The following FGF13 variants were observed in gnomAD, a reference collection of about 807,000 sequenced individuals.
FGF13 encodes fibroblast growth factor homologous factor 2.
In FGF13, 2 loss-of-function variants were observed where a neutral mutation model predicts 19.5. The observed-to-expected ratio is 0.10, with a 90% CI of 0.04 to 0.32. FGF13 has a LOEUF of 0.32. FGF13 is among the 10% of genes least tolerant of loss of function. FGF13 has a pLI of 1.00. For synonymous variants in FGF13, 72 were observed against 76.9 expected, an observed-to-expected ratio of 0.94 and a Z score of 0.33; for missense variants, 113 against 192.7, an observed-to-expected ratio of 0.59 and a Z score of 2.45.
intron 1 of FGF13, among the ~76,000 whole-genome samples, chrX:139,189,230 C>T (rs979707930): frequency 2.7e-5 from 3 of 111,212 alleles, no homozygotes; most frequent in African/African-American, 9.8e-5. Context: ...TGCATTCTTC[C>T]TTTATTTTAT....
At chrX:138,782,381 T>C (rs1401745362) in intron 3 of FGF13, among the ~76,000 whole-genome samples, 1 of 111,467 alleles carries the variant, frequency 9.0e-6, no homozygotes, top group Non-Finnish European at 1.9e-5. Context: ...TTGTCCCTGT[T>C]TGCAGATGAC....
intron 1 of FGF13, among the ~76,000 whole-genome samples, chrX:139,088,758 G>A (rs988990761): frequency 9.0e-6 from 1 of 111,473 alleles, no homozygotes; most frequent in African/African-American, 3.3e-5. Flanking sequence ...CATCGAGGAG[G>A]CTACAGTCTG....
At chrX:138,875,995 T>TACACACACACACACACAC (rs749175408) in intron 1 of FGF13, among the ~76,000 whole-genome samples, 1 of 98,064 alleles carries the variant, frequency 1.0e-5, no homozygotes, top group Non-Finnish European at 2.1e-5. Context: ...TATCGGCTTG[T>TACACACACACACACACAC]ACACACACAC....
intron 1 of FGF13, among the ~76,000 whole-genome samples, chrX:138,947,592 A>G (rs2091788272): frequency 8.9e-6 from 1 of 112,003 alleles, no homozygotes; most frequent in South Asian, 3.7e-4. Context: ...CATGAGGAAG[A>G]CCTGTGAATT....
chrX:139,032,244 T>A (rs944894822), intron 1 of FGF13, among the ~76,000 whole-genome samples: 2 of 112,088 alleles, frequency 1.8e-5, no homozygotes, highest in African/African-American at 6.5e-5. Context: ...AGATACAGAT[T>A]AAAGCGGAAC....
At position 138,912,402 on chromosome X, in the gene FGF13, C is replaced by A. The variant is rs193257808; in HGVS notation, c.-112-47752G>T. Among the ~76,000 whole-genome samples the A allele has an allele frequency of 5.4e-5, 6 of 111,843 alleles. No individual in the cohort carries two copies. In the Admixed American group the frequency reaches 5.7e-4, roughly 11 times the overall value. ...TAAAGGTCATCCTTCAAATCAGAGG[C>A]AGTGCTGAGAAGAGAACACTGACTT... On this transcript the variant is annotated intron_variant, in intron 1 of 2. Coordinates refer to the FGF13 transcript ENST00000421460.
intron 1 of FGF13, among the ~76,000 whole-genome samples, chrX:139,181,775 G>A (rs2084240752): frequency 8.9e-6 from 1 of 112,121 alleles, no homozygotes; most frequent in Non-Finnish European, 1.9e-5. Flanking sequence ...ATATAATTCA[G>A]AAATAAAGTG....
chrX:138,799,160 G>A (rs771668942), intron 3 of FGF13, among the ~76,000 whole-genome samples: 111 of 111,227 alleles, frequency 1.0e-3, no homozygotes, highest in African/African-American at 3.4e-3. Flanking sequence ...TTAGGGTGTC[G>A]ATTTTAGATC....
At chrX:138,963,919 T>C (rs2091884941) in intron 1 of FGF13, among the ~76,000 whole-genome samples, 1 of 112,002 alleles carries the variant, frequency 8.9e-6, no homozygotes, top group Admixed American at 9.5e-5. Flanking sequence ...ATGGGGACAG[T>C]AATACTGCAC....
At chrX:138,878,739 A>G (rs766232985) in intron 1 of FGF13, among the ~76,000 whole-genome samples, 1 of 111,338 alleles carries the variant, frequency 9.0e-6, no homozygotes, top group Non-Finnish European at 1.9e-5. Flanking sequence ...TGACTTCACA[A>G]TGGTTGAACT....
rs1012049998 is a variant in FGF13, at chrX:138,624,976, A to C, written c.*7874T>G. The C allele has an allele frequency of 1.8e-5, 2 of 111,887 alleles. No individual in the cohort carries two copies. Among genetic ancestry groups the C allele is most frequent in the Admixed American group, 1.9e-4 (2 of 10,493 alleles). 9.2% of individuals were successfully genotyped at this position (111,887 alleles called of 1,213,427 possible). The stretch of plus-strand genomic sequence containing the variant: ...CCAAAATATATAAGGAACTCATACA[A>C]GTCAATAGCAAAAATACAAGTAAAC... On this transcript the variant is annotated 3_prime_UTR_variant, in exon 5 of 5. Coordinates refer to ENST00000315930, the MANE Select transcript of FGF13 (RefSeq NM_004114.5).
chrX:138,906,047 T>C (rs1005481793), intron 1 of FGF13, among the ~76,000 whole-genome samples: 2 of 111,113 alleles, frequency 1.8e-5, no homozygotes. Context: ...CAGGGCCAGG[T>C]AAGAATCATG....
intron 1 of FGF13, among the ~76,000 whole-genome samples, chrX:139,074,961 C>T (rs1221713982): frequency 1.1e-5 from 1 of 89,275 alleles, no homozygotes; most frequent in Non-Finnish European, 2.4e-5. Context: ...GTTTCACTGT[C>T]TCAGAATGTG....
chrX:139,154,114 T>C (rs187911738), intron 1 of FGF13, among the ~76,000 whole-genome samples: 1 of 111,404 alleles, frequency 9.0e-6, no homozygotes, highest in East Asian at 2.8e-4. Context: ...CACAAAAAAG[T>C]CTTCTGATTT....
chrX:139,066,928 C>A (rs1462571245), intron 1 of FGF13, among the ~76,000 whole-genome samples: 1 of 111,366 alleles, frequency 9.0e-6, no homozygotes, highest in Non-Finnish European at 1.9e-5. Flanking sequence ...AAAAGCTTAT[C>A]CATCACGATC....
intron 1 of FGF13, among the ~76,000 whole-genome samples, chrX:138,983,824 G>A (rs751352059): frequency 1.8e-5 from 2 of 111,076 alleles, no homozygotes; most frequent in East Asian, 2.9e-4. Context: ...TGGTGTAGAC[G>A]TACAATGGGA....
chrX:139,155,816 A>T (rs1184709051), intron 1 of FGF13, among the ~76,000 whole-genome samples: 1 of 111,887 alleles, frequency 8.9e-6, no homozygotes, highest in Non-Finnish European at 1.9e-5. Flanking sequence ...GCTTAACATG[A>T]GCTCCCAAAG....
chrX:139,082,337 C>T (rs2083376069), intron 1 of FGF13, among the ~76,000 whole-genome samples: 1 of 111,926 alleles, frequency 8.9e-6, no homozygotes. Flanking sequence ...ATTATCCCTT[C>T]TCTTTCCCCA....
intron 1 of FGF13, among the ~76,000 whole-genome samples, chrX:139,053,639 G>A (rs1163539169): frequency 1.8e-5 from 2 of 111,423 alleles, no homozygotes. Context: ...GTTCCTTGTA[G>A]ATTCTGGATA....
Sources: allele counts gnomAD v4.1 joint callset (sites outside exome capture counted in the v4.1 genomes callset), GRCh38; gene constraint gnomAD v4.1.1; transcripts MANE v1.5; gene names NCBI Gene and HGNC (gene_info 2026-07-23, HGNC 2026-07-21).